The following CCDC80 variants were observed in gnomAD, a reference collection of about 807,000 sequenced individuals.
The protein encoded by CCDC80 is coiled-coil domain containing 80.
Under a neutral mutation model 78.7 loss-of-function variants are expected in CCDC80, and 49 were observed. The ratio of observed to expected loss-of-function variants is 0.62; its 90% CI spans 0.50 to 0.79. The LOEUF (loss-of-function observed/expected upper bound fraction) is 0.79. Ranked by LOEUF, CCDC80 falls within the 30% of genes least tolerant of loss-of-function variation. CCDC80 has a pLI of 0.00. For missense variants in CCDC80, 1,205 were observed against 1,198.6 expected, an observed-to-expected ratio of 1.01 and a Z score of -0.08; for synonymous variants, 488 against 447.0, an observed-to-expected ratio of 1.09 and a Z score of -1.16.
chr3:112,637,529 AG>A (rs377670328), intron 2 of CCDC80, among the ~76,000 whole-genome samples: 7 of 152,362 alleles, frequency 4.6e-5, no homozygotes, highest in African/African-American at 1.7e-4. Flanking sequence ...TTAGTGAAAG[AG>A]GGGACCTCTG....
rs1935414098 is a variant in CCDC80, at chr3:112,603,598, C to T, written c.*1819G>A. 1 of 145,638 alleles carries T rather than the reference C, an allele frequency of 6.9e-6. No homozygotes were observed. Among genetic ancestry groups the T allele is most frequent in the Non-Finnish European group, 1.5e-5 (1 of 66,512 alleles). 9.0% of individuals were successfully genotyped at this position (145,638 alleles called of 1,614,324 possible). A position where few individuals can be genotyped will look rare whatever the true frequency, so the allele number is the denominator to read the frequency against. On this transcript the variant is annotated 3_prime_UTR_variant, in exon 8 of 8. Coordinates refer to ENST00000206423, the MANE Select transcript of CCDC80 (RefSeq NM_199511.3). ...TATATATAAATGATCAGTTCCAGACCACTATAATATATATATATATAGCTG... is the reference window on the plus strand; with the variant it reads ...TATATATAAATGATCAGTTCCAGACTACTATAATATATATATATATAGCTG...
chr3:112,605,527 C>A lies in CCDC80; in HGVS notation c.2743G>T (p.Glu915Ter). The A allele has an allele frequency of 1.2e-6, 2 of 1,614,192 alleles. No individual in the cohort carries two copies. Among genetic ancestry groups the A allele is most frequent in the Non-Finnish European group, 1.7e-6 (2 of 1,180,040 alleles). The part of the protein sequence containing the change: ...IQQSLGMRCP[E>*]DEYAGYGYHS... ...TAACCATAGCCTGCATACTCATCTT[C>A]TGGGCAGCGCATCCCCAGTGACTGC... Residue 915 changes from glutamate (E) to a stop codon, truncating the protein, a stop_gained, in exon 8 of 8, where the codon GAA (glutamate) becomes TAA (stop). Coordinates refer to ENST00000206423, the MANE Select transcript of CCDC80 (RefSeq NM_199511.3). LOFTEE classifies it high-confidence loss of function.
chr3:112,626,666 A>AC, intron 3 of CCDC80, among the ~76,000 whole-genome samples: 1 of 151,680 alleles, frequency 6.6e-6, no homozygotes, highest in Admixed American at 6.6e-5. Context: ...TCCTGCCTCA[A>AC]CCCCCCAAAT....
chr3:112,610,898 T>C (rs1935609535), intron 5 of CCDC80, among the ~76,000 whole-genome samples: 1 of 139,954 alleles, frequency 7.1e-6, no homozygotes, highest in Non-Finnish European at 1.5e-5. Flanking sequence ...TCCTTATTTC[T>C]TTTCTTTTCT....
intron 3 of CCDC80, among the ~76,000 whole-genome samples, chr3:112,628,690 G>A (rs111623090): frequency 1.3e-5 from 2 of 152,020 alleles, no homozygotes; most frequent in African/African-American, 4.8e-5. Context: ...TTGTTGTTTT[G>A]GTTAAGAAAA....
At chr3:112,635,661 C>T (rs1394789940) in intron 2 of CCDC80, among the ~76,000 whole-genome samples, 2 of 152,258 alleles carry the variant, frequency 1.3e-5, no homozygotes, top group South Asian at 2.1e-4. Flanking sequence ...ATCAGTTGGG[C>T]GCACATAGGA....
intron 6 of CCDC80, among the ~76,000 whole-genome samples, chr3:112,609,601 T>C (rs1196716037): frequency 1.3e-5 from 2 of 152,182 alleles, no homozygotes; most frequent in South Asian, 2.1e-4. Context: ...ATTTAATCTA[T>C]GGAGTATCCA....
intron 3 of CCDC80, among the ~76,000 whole-genome samples, chr3:112,621,182 C>T (rs376331206): frequency 8.5e-5 from 13 of 152,238 alleles, no homozygotes; most frequent in African/African-American, 2.2e-4. Context: ...TGACTCTGAG[C>T]GCATCTATAT....
rs560180910 is a variant in CCDC80, at chr3:112,622,072, G to A, written c.2036-2968C>T. On this transcript the variant is annotated intron_variant, in intron 3 of 7. Coordinates refer to ENST00000206423, the MANE Select transcript of CCDC80 (RefSeq NM_199511.3). ...TCACATTGCAGGTTAATGATAGAGT[G>A]AGGTTAGGACTCAGGTGACATTACC... is the stretch of plus-strand genomic sequence containing the variant. Among the ~76,000 whole-genome samples the A allele has an allele frequency of 2.0e-3, 307 of 152,284 alleles. 2 individuals carry two copies. The highest frequency in any genetic ancestry group is 6.9e-3 in the African/African-American group (287 of 41,554).
chr3:112,627,859 T>C (rs367944179), intron 3 of CCDC80, among the ~76,000 whole-genome samples: 5 of 97,678 alleles, frequency 5.1e-5, no homozygotes, highest in Non-Finnish European at 1.1e-4. Context: ...TGATTTCCAA[T>C]AAGGCAGAAA....
At chr3:112,618,047 T>C (rs1020956327) in intron 4 of CCDC80, among the ~76,000 whole-genome samples, 32 of 152,200 alleles carry the variant, frequency 2.1e-4, no homozygotes, top group African/African-American at 7.2e-4. Context: ...GAAACAAAAA[T>C]AATGTTAGCA....
At chr3:112,611,880 C>T (rs895846869) in intron 5 of CCDC80, among the ~76,000 whole-genome samples, 1 of 152,086 alleles carries the variant, frequency 6.6e-6, no homozygotes, top group Non-Finnish European at 1.5e-5. Flanking sequence ...CAGGAGTGAA[C>T]ATGAGAGTTT....
At chr3:112,614,217 G>C (rs560187448) in intron 5 of CCDC80, among the ~76,000 whole-genome samples, 205 of 152,184 alleles carry the variant, frequency 1.3e-3, no homozygotes, top group Non-Finnish European at 2.4e-3. Context: ...TTATAAGCAA[G>C]ATCAAACATT....
chr3:112,601,559 G>A lies in CCDC80; in HGVS notation c.*3858C>T, dbSNP rs1367228720. 2 of 152,020 alleles carry A rather than the reference G, an allele frequency of 1.3e-5. No individual in the cohort carries two copies. The highest frequency in any genetic ancestry group is 4.8e-5 in the African/African-American group (2 of 41,346). 9.4% of individuals were successfully genotyped at this position (152,020 alleles called of 1,614,324 possible). A position where few individuals can be genotyped will look rare whatever the true frequency, so the allele number is the denominator to read the frequency against. ...TGGCTGGGCATGGTGGAGCATGGCT[G>A]TGGTCCCAGCTAACTTGGGATGCTG... On this transcript the variant is annotated 3_prime_UTR_variant, in exon 8 of 8. Coordinates refer to ENST00000206423, the MANE Select transcript of CCDC80 (RefSeq NM_199511.3).
intron 5 of CCDC80, among the ~76,000 whole-genome samples, chr3:112,614,551 A>G (rs1220796933): frequency 6.6e-6 from 1 of 150,634 alleles, no homozygotes; most frequent in Non-Finnish European, 1.5e-5. Flanking sequence ...TGAAGCTCAG[A>G]GCCCTTTCTC....
chr3:112,616,264 A>G (rs1343336466), intron 5 of CCDC80, among the ~76,000 whole-genome samples: 3 of 152,128 alleles, frequency 2.0e-5, no homozygotes, highest in Admixed American at 6.5e-5. Context: ...CAGAGTTGGA[A>G]GGAAGCGGAA....
At chr3:112,611,275 C>T (rs1273817749) in intron 5 of CCDC80, among the ~76,000 whole-genome samples, 1 of 152,158 alleles carries the variant, frequency 6.6e-6, no homozygotes, top group Admixed American at 6.5e-5. Flanking sequence ...AAAAATTAGA[C>T]TCTCAAATCT....
At chr3:112,626,352 G>A (rs1935973229) in intron 3 of CCDC80, among the ~76,000 whole-genome samples, 1 of 152,138 alleles carries the variant, frequency 6.6e-6, no homozygotes, top group South Asian at 2.1e-4. Context: ...TGTCACCACT[G>A]ATGAAAGGAG....
chr3:112,597,487 G>A lies in CCDC80; in HGVS notation c.*7930C>T, dbSNP rs1436870235. 2.6e-5 allele frequency: 4 copies of A among 152,044 alleles called. No homozygotes were observed. Among genetic ancestry groups the A allele is most frequent in the African/African-American group, 9.7e-5 (4 of 41,402 alleles). The allele number at this position is 152,044 out of a possible 1,614,324, so 9.4% of individuals were successfully genotyped here. A position where few individuals can be genotyped will look rare whatever the true frequency, so the allele number is the denominator to read the frequency against. ...AGGTATATTCTCTAGTTTCAATCTT[G>A]GTGAAATTTTTTTCTATGAATTCAT... On this transcript the variant is annotated 3_prime_UTR_variant, in exon 8 of 8. Coordinates refer to ENST00000206423, the MANE Select transcript of CCDC80 (RefSeq NM_199511.3).
Sources: allele counts gnomAD v4.1 joint callset (sites outside exome capture counted in the v4.1 genomes callset), GRCh38; gene constraint gnomAD v4.1.1; transcripts MANE v1.5; gene names NCBI Gene and HGNC (gene_info 2026-07-23, HGNC 2026-07-21).